LCOR: variants seen among roughly 807,000 people sequenced by gnomAD.
LCOR encodes ligand-dependent corepressor.
Under a neutral mutation model 64.4 loss-of-function variants are expected in LCOR, and 14 were observed. That is an observed-to-expected ratio of 0.22 (90% CI 0.14 to 0.34). The LOEUF is 0.34. LCOR is among the 10% of genes least tolerant of loss of function. The pLI, the probability that LCOR is intolerant of heterozygous loss-of-function variation, is 1.00. For synonymous variants in LCOR, 643 were observed against 642.5 expected (o/e 1.00, Z -0.01); for missense variants, 1,686 against 1,765.3 (o/e 0.96, Z 0.80).
At chr10:96,835,782 A>C (rs1027853563) in intron 2 of LCOR, among the ~76,000 whole-genome samples, 8 of 151,964 alleles carry the variant, frequency 5.3e-5, no homozygotes, top group Non-Finnish European at 8.8e-5. Context: ...ACTTTTTTGG[A>C]GGGTGTGGGG....
Position 96,983,790 on chromosome 10 carries a change from C to A in LCOR, c.3330C>A (p.Leu1110=). ...EWCAEEENQE[L]IANFNAQYMK... ...GTGCTGAGGAGGAGAACCAAGAGCT[C>A]ATCGCCAACTTCAATGCCCAGTACA... Residue 1110 remains leucine, a synonymous_variant, in exon 8 of 8, where the codon CTC becomes CTA. Coordinates refer to ENST00000421806, the MANE Select transcript of LCOR (RefSeq NM_001346516.2). The surrounding 1 kb of genome is among the most constrained non-coding windows in gnomAD (Gnocchi z 4.5). 6.2e-7 allele frequency: 1 copy of A among 1,614,124 alleles called. No individual in the cohort carries two copies.
intron 7 of LCOR, among the ~76,000 whole-genome samples, chr10:96,978,032 C>T (rs950943789): frequency 6.6e-6 from 1 of 152,204 alleles, no homozygotes; most frequent in Non-Finnish European, 1.5e-5. Flanking sequence ...GGACTACTTA[C>T]TGATTCTCCA....
At chr10:96,907,523 A>G (rs562419451) in intron 3 of LCOR, 145 bp from the exon 4 acceptor site, 1 of 218,538 alleles carries the variant, frequency 4.6e-6, no homozygotes, top group South Asian at 1.6e-4. Flanking sequence ...AGCAGTTAAG[A>G]CTTAAGAATT....
At chr10:96,900,960 C>A (rs908205455) in intron 2 of LCOR, among the ~76,000 whole-genome samples, 3 of 150,454 alleles carry the variant, frequency 2.0e-5, no homozygotes, top group Admixed American at 2.0e-4. Flanking sequence ...GAGGCCAAGG[C>A]GGGCGGATCA....
chr10:96,920,696 G>GCATATA (rs1302042159), intron 4 of LCOR, among the ~76,000 whole-genome samples: 2 of 136,008 alleles, frequency 1.5e-5, no homozygotes, highest in African/African-American at 6.2e-5. Context: ...GTGTATATAT[G>GCATATA]TTCATATATG....
intron 7 of LCOR, among the ~76,000 whole-genome samples, chr10:96,954,075 A>AG (rs2134531199): frequency 6.6e-6 from 1 of 152,110 alleles, no homozygotes; most frequent in East Asian, 1.9e-4. Flanking sequence ...TATTTCAAGA[A>AG]GGGAAGTTTT....
At chr10:96,878,671 T>C (rs1846210763) in intron 2 of LCOR, among the ~76,000 whole-genome samples, 1 of 152,196 alleles carries the variant, frequency 6.6e-6, no homozygotes, top group Non-Finnish European at 1.5e-5. Context: ...TCCAAGGGTA[T>C]GAGAAAGCTG....
intron 7 of LCOR, among the ~76,000 whole-genome samples, chr10:96,973,747 T>A (rs527782741): frequency 1.3e-5 from 2 of 152,360 alleles, no homozygotes; most frequent in South Asian, 4.1e-4. Flanking sequence ...TTAGCTCCTA[T>A]CCAAACATCA....
chr10:96,861,504 A>G (rs563927428), intron 2 of LCOR, among the ~76,000 whole-genome samples: 32 of 152,162 alleles, frequency 2.1e-4, no homozygotes, highest in Non-Finnish European at 3.8e-4. Context: ...CAGGCATTCA[A>G]TTCTGCAGTG....
chr10:96,912,511 C>T (rs1428756847), intron 4 of LCOR, among the ~76,000 whole-genome samples: 3 of 152,174 alleles, frequency 2.0e-5, no homozygotes, highest in Non-Finnish European at 2.9e-5. Context: ...TATCATTCTT[C>T]GTGCATCATG....
Position 96,842,612 on chromosome 10 carries a change from G to C in LCOR, c.-330+9133G>C, listed in dbSNP as rs539447149. 4.0e-5 allele frequency among the ~76,000 whole-genome samples: 6 copies of C among 150,172 alleles called. No individual in the cohort carries two copies. The East Asian group carries it at 1.2e-3, about 29-fold the overall frequency. On this transcript the variant is annotated intron_variant, in intron 2 of 7. Transcript: ENST00000421806. ...GATACAAAAATTTTCTAAAAAGCTT[G>C]CTTTTTTTTCTTTTCTTTTCTTTTT...
At chr10:96,950,425 G>T (rs970998104) in intron 6 of LCOR, among the ~76,000 whole-genome samples, 2 of 151,964 alleles carry the variant, frequency 1.3e-5, no homozygotes, top group Non-Finnish European at 2.9e-5. Flanking sequence ...ATTGATGACT[G>T]TTTTCTTTTC....
intron 7 of LCOR, among the ~76,000 whole-genome samples, chr10:96,968,112 A>G (rs1242045635): frequency 6.6e-6 from 1 of 152,212 alleles, no homozygotes; most frequent in Non-Finnish European, 1.5e-5. Flanking sequence ...ATTTTCAAGT[A>G]TACAGCTCAG....
intron 2 of LCOR, among the ~76,000 whole-genome samples, chr10:96,841,562 T>C (rs1011522659): frequency 9.2e-5 from 14 of 152,026 alleles, no homozygotes; most frequent in African/African-American, 2.9e-4. Flanking sequence ...GGTTTCACCA[T>C]GTTGGCCAGG....
chr10:96,901,002 A>AC (rs368076945), intron 2 of LCOR, among the ~76,000 whole-genome samples: 11 of 151,884 alleles, frequency 7.2e-5, no homozygotes, highest in African/African-American at 2.4e-4. Flanking sequence ...ATCGTGGCTA[A>AC]CACAGTGAAA....
At chr10:96,901,929 T>C (rs1330590625) in intron 2 of LCOR, among the ~76,000 whole-genome samples, 1 of 152,166 alleles carries the variant, frequency 6.6e-6, no homozygotes, top group Non-Finnish European at 1.5e-5. Context: ...GCCACCACCC[T>C]GGGCTAATTT....
intron 2 of LCOR, among the ~76,000 whole-genome samples, chr10:96,848,632 T>C (rs751923751): frequency 6.4e-4 from 97 of 152,236 alleles, no homozygotes; most frequent in Non-Finnish European, 1.1e-3. Context: ...CACTCCAGTC[T>C]GGGCAACAAG....
intron 4 of LCOR, among the ~76,000 whole-genome samples, chr10:96,941,317 C>T (rs1470295104): frequency 3.3e-4 from 44 of 133,524 alleles, no homozygotes; most frequent in East Asian, 7.2e-4. Context: ...CCGGACGGGG[C>T]GGCTGGCCGG....
intron 7 of LCOR, among the ~76,000 whole-genome samples, chr10:96,974,794 AAAAT>A (rs1317472416): frequency 2.0e-5 from 3 of 152,248 alleles, no homozygotes; most frequent in African/African-American, 7.2e-5. Context: ...TTAACATAAA[AAAAT>A]AGTAATAGAA....
Sources: allele counts gnomAD v4.1 joint callset (sites outside exome capture counted in the v4.1 genomes callset), GRCh38; gene constraint gnomAD v4.1.1; non-coding constraint Gnocchi (gnomAD v3.1); transcripts MANE v1.5; gene names NCBI Gene and HGNC (gene_info 2026-07-23, HGNC 2026-07-21).